The following ACSS1 variants were observed in gnomAD, a reference collection of about 807,000 sequenced individuals.
The protein encoded by ACSS1 is acyl-CoA synthetase short chain family member 1.
In ACSS1, 42 loss-of-function variants were observed where a neutral mutation model predicts 75.3. The ratio of observed to expected loss-of-function variants is 0.56; its 90% CI spans 0.44 to 0.72. ACSS1 has a LOEUF of 0.72. Among genes scored for constraint, ACSS1 ranks in the 30% least tolerant of loss-of-function variants. The probability of loss-of-function intolerance (pLI) is 0.00; values close to 1 mark genes in which losing one functional copy is unlikely to be tolerated. For missense variants in ACSS1, 782 were observed against 935.7 expected, an observed-to-expected ratio of 0.84 and a Z score of 2.14; for synonymous variants, 380 against 376.8, an observed-to-expected ratio of 1.01 and a Z score of -0.10.
Position 25,013,671 on chromosome 20 carries a change from C to A in ACSS1, c.1453-9G>T, listed in dbSNP as rs562522968. 62 of 1,589,048 alleles carry A rather than the reference C, an allele frequency of 3.9e-5. No individual in the cohort carries two copies. In the East Asian group the frequency reaches 4.5e-4, roughly 12 times the overall value. ...CCCTCCACGACGCTGCCCTGTAGAC[C>A]CCGGACATGCAAGTGAGACAGGGCA... On this transcript the variant is annotated splice_polypyrimidine_tract_variant and intron_variant, in intron 9 of 13. Transcript: ENST00000323482.
chr20:25,030,922 C>T lies in ACSS1; in HGVS notation c.468G>A (p.Thr156=), dbSNP rs912401178. The T allele has an allele frequency of 1.5e-5, 25 of 1,614,042 alleles. No homozygotes were observed. Among genetic ancestry groups the T allele is most frequent in the Non-Finnish European group, 1.9e-5 (22 of 1,180,044 alleles). Residue 156 remains threonine (T), a synonymous_variant, in exon 3 of 14, where the codon ACG becomes ACA. Coordinates refer to ENST00000323482, the MANE Select transcript of ACSS1 (RefSeq NM_032501.4). ...CACGGTGGACTCCATGCCTCTTCAG[C>T]GTGTTGGCCAGGCGGCACGTGGTCT... ...LLETTCRLAN[T]LKRHGVHRGD... is the part of the protein sequence containing the mutation.
chr20:25,036,305 A>G (rs1392520545), intron 2 of ACSS1, among the ~76,000 whole-genome samples: 1 of 152,212 alleles, frequency 6.6e-6, no homozygotes, highest in Non-Finnish European at 1.5e-5. Context: ...AAGGAAGAAG[A>G]CTTATTACCA....
Position 25,020,052 on chromosome 20 carries a change from C to T in ACSS1, c.1204G>A (p.Val402Met). ...RLLLKYGDAW[V>M]KKYDRSSLRT... is the part of the protein sequence containing the mutation. The stretch of plus-strand genomic sequence containing the variant: ...AGGGAGGAGCGATCATACTTCTTCA[C>T]CCAGGCATCACCGTATTTCAGCAAC... The change falls in exon 7 of 14, where the codon GTG becomes ATG. Residue 402 changes from valine (V) to methionine (M), a missense_variant. Val to Met is a conservative substitution (Grantham distance 21). Around this residue, in one of 2 missense-constraint regions of ACSS1, gnomAD observed 405 missense variants for 552.6 expected, o/e 0.73. Transcript: ENST00000323482. The T allele has an allele frequency of 6.2e-7, 1 of 1,614,252 alleles. No homozygotes were observed. The highest frequency in any genetic ancestry group is 2.2e-5 in the East Asian group (1 of 44,890).
intron 1 of ACSS1, among the ~76,000 whole-genome samples, chr20:25,055,766 C>CCTTTGGAATATCCAACAAGCCATCTGA (rs1236501261): frequency 4.6e-5 from 7 of 152,178 alleles, no homozygotes; most frequent in African/African-American, 1.7e-4. Flanking sequence ...GAGTGATATT[C>CCTTTGGAATATCCAACAAGCCATCTGA]CTTTGGAACA....
chr20:25,029,594 A>G (rs1186610421), intron 3 of ACSS1, among the ~76,000 whole-genome samples: 2 of 152,204 alleles, frequency 1.3e-5, no homozygotes, highest in East Asian at 3.8e-4. Flanking sequence ...TAGCCAAAAA[A>G]TGGAAACAAC....
intron 3 of ACSS1, among the ~76,000 whole-genome samples, chr20:25,028,185 C>T (rs1007316093): frequency 6.6e-6 from 1 of 152,220 alleles, no homozygotes; most frequent in South Asian, 2.1e-4. Context: ...ATGGCAATAC[C>T]TTCCAATTTT....
In ACSS1 at chr20:25,048,147, G is replaced by A. The variant is rs564534705; in HGVS notation, c.369C>T (p.Pro123=). 1.4e-5 allele frequency: 22 copies of A among 1,613,520 alleles called. No homozygotes were observed. The highest frequency in any genetic ancestry group is 6.7e-5 in the East Asian group (3 of 44,834). Residue 123 remains proline (P), a synonymous_variant, in exon 2 of 14, where the codon CCC becomes CCT. Transcript: ENST00000323482. ...GCTCCCAGATCAAAGCAACGCTCTC[G>A]GGGGACTTCCGAACATGCTGGTCCA... is the stretch of plus-strand genomic sequence containing the variant. The part of the protein sequence containing the change: ...NCLDQHVRKS[P]ESVALIWERD...
chr20:25,050,518 T>C (rs1237980825), intron 1 of ACSS1, among the ~76,000 whole-genome samples: 2 of 152,084 alleles, frequency 1.3e-5, no homozygotes, highest in East Asian at 3.9e-4. Flanking sequence ...CTGCCTGACA[T>C]ACTTGCTCCA....
At chr20:25,008,781 T>G (rs1371966171) in intron 13 of ACSS1, among the ~76,000 whole-genome samples, 1 of 152,206 alleles carries the variant, frequency 6.6e-6, no homozygotes, top group Non-Finnish European at 1.5e-5. Context: ...ATGTCTCTAA[T>G]GAAAATCCCT....
At position 25,023,067 on chromosome 20, in the gene ACSS1, C is replaced by T; in HGVS notation, c.833G>A (p.Cys278Tyr). Residue 278 changes from cysteine (C) to tyrosine (Y), a missense_variant, in exon 5 of 14, where the codon TGC becomes TAC. Cys to Tyr is a radical substitution (Grantham distance 194). Transcript: ENST00000323482. ...EQEMAKEDPV[C>Y]APESMGSEDM... The stretch of plus-strand genomic sequence containing the variant: ...CTCACTGCCCATGCTCTCTGGGGCG[C>T]AAACAGGGTCCTCCTTGGCCATTTC... The T allele has an allele frequency of 6.2e-7, 1 of 1,613,504 alleles. No individual in the cohort carries two copies. Among genetic ancestry groups the T allele is most frequent in the Non-Finnish European group, 8.5e-7 (1 of 1,179,754 alleles).
intron 3 of ACSS1, among the ~76,000 whole-genome samples, chr20:25,028,951 A>C (rs1368555168): frequency 6.6e-6 from 1 of 152,172 alleles, no homozygotes; most frequent in Non-Finnish European, 1.5e-5. Flanking sequence ...ATAGGAAAAA[A>C]TCTTCACAGC....
intron 3 of ACSS1, 126 bp from the exon 4 acceptor site, chr20:25,023,767 TC>T: frequency 1.1e-6 from 1 of 944,672 alleles, no homozygotes; most frequent in Non-Finnish European, 1.5e-6. Flanking sequence ...AGTAAAAGAC[TC>T]AATGGAAAAA....
In ACSS1 at chr20:25,006,902, G is replaced by A; in HGVS notation, c.*860C>T. ...CACCTGAGTTTCTAATAGCTTCCCT[G>A]AAGAACCCAACTATTTGGAGTATGT... is the stretch of plus-strand genomic sequence containing the variant. On this transcript the variant is annotated 3_prime_UTR_variant, in exon 14 of 14. Transcript: ENST00000323482. The A allele has an allele frequency of 6.5e-7, 1 of 1,535,480 alleles. No individual in the cohort carries two copies. Among genetic ancestry groups the A allele is most frequent in the Non-Finnish European group, 8.7e-7 (1 of 1,146,744 alleles).
chr20:25,029,359 T>C (rs1482169528), intron 3 of ACSS1, among the ~76,000 whole-genome samples: 1 of 152,210 alleles, frequency 6.6e-6, no homozygotes, highest in Non-Finnish European at 1.5e-5. Flanking sequence ...ACGGCTGTAA[T>C]TTTTTAAAGT....
At chr20:25,034,542 C>A (rs1163447589) in intron 2 of ACSS1, among the ~76,000 whole-genome samples, 1 of 152,060 alleles carries the variant, frequency 6.6e-6, no homozygotes, top group Non-Finnish European at 1.5e-5. Context: ...AATGTGGGTA[C>A]CCAGACCCTT....
At chr20:25,038,301 G>A (rs2088948010) in intron 2 of ACSS1, among the ~76,000 whole-genome samples, 1 of 152,178 alleles carries the variant, frequency 6.6e-6, no homozygotes, top group Non-Finnish European at 1.5e-5. Flanking sequence ...TGATCAGAGA[G>A]CAGGGTTCCC....
chr20:25,013,497 G>A lies in ACSS1; in HGVS notation c.1579+39C>T, dbSNP rs769662671. 6.1e-5 allele frequency: 95 copies of A among 1,559,532 alleles called. No individual in the cohort carries two copies. In the Middle Eastern group the frequency reaches 6.9e-4, roughly 11 times the overall value. On this transcript the variant is annotated intron_variant, in intron 10 of 13. Transcript: ENST00000323482. ...TCTGAGAATAAGATTCCAGCAGTCA[G>A]CTGAAAAGGAATGAGAGGGTCCCTG...
chr20:25,006,801 C>T lies in ACSS1; in HGVS notation c.*961G>A, dbSNP rs2122563356. ...CATCATTGGACCTCAGTGGTTCTCACCGCCCCAACCACAGAGTGAAGGTCA... is the reference window on the plus strand; with the variant it reads ...CATCATTGGACCTCAGTGGTTCTCATCGCCCCAACCACAGAGTGAAGGTCA... On this transcript the variant is annotated 3_prime_UTR_variant, in exon 14 of 14. Coordinates refer to ENST00000323482, the MANE Select transcript of ACSS1 (RefSeq NM_032501.4). 1.3e-6 allele frequency: 2 copies of T among 1,532,214 alleles called. No homozygotes were observed. Among genetic ancestry groups the T allele is most frequent in the East Asian group, 2.4e-5 (1 of 40,880 alleles). 94.9% of individuals were successfully genotyped at this position (1,532,214 alleles called of 1,614,324 possible).
chr20:25,020,285 C>G, intron 6 of ACSS1, 138 bp from the exon 7 acceptor site: 2 of 1,184,066 alleles, frequency 1.7e-6, no homozygotes, highest in Non-Finnish European at 2.4e-6. Flanking sequence ...CCCCCAACCC[C>G]CCACCCCCGC....
Sources: allele counts gnomAD v4.1 joint callset (sites outside exome capture counted in the v4.1 genomes callset), GRCh38; gene constraint gnomAD v4.1.1; regional missense constraint gnomAD v4.1.1; transcripts MANE v1.5; gene names NCBI Gene and HGNC (gene_info 2026-07-23, HGNC 2026-07-21).